Variants in LDLRAD4 observed in about 807,000 individuals in gnomAD.
LDLRAD4 encodes the protein low-density lipoprotein receptor class A domain-containing protein 4.
In LDLRAD4, 5 loss-of-function variants were observed where a neutral mutation model predicts 17.0. The ratio of observed to expected loss-of-function variants is 0.29; its 90% confidence interval spans 0.15 to 0.62. The LOEUF (loss-of-function observed/expected upper bound fraction) is 0.62. LDLRAD4 is among the 20% of genes least tolerant of loss of function. The pLI is 0.84. For missense variants in LDLRAD4, 340 were observed against 424.7 expected, an observed-to-expected ratio of 0.80 and a Z score of 1.75; for synonymous variants, 168 against 171.8, an observed-to-expected ratio of 0.98 and a Z score of 0.17.
intron 1 of LDLRAD4, among the ~76,000 whole-genome samples, chr18:13,345,621 C>CT (rs544321691): frequency 6.6e-6 from 1 of 152,182 alleles, no homozygotes; most frequent in Non-Finnish European, 1.5e-5. Context: ...AGGATTCCCT[C>CT]TTTTTTTATT....
intron 3 of LDLRAD4, among the ~76,000 whole-genome samples, chr18:13,529,850 A>G (rs2094101050): frequency 6.6e-6 from 1 of 152,018 alleles, no homozygotes; most frequent in Non-Finnish European, 1.5e-5. Flanking sequence ...TGCTTTAGAG[A>G]CTTCCATGGC....
At chr18:13,325,470 A>C (rs1352755307) in intron 1 of LDLRAD4, among the ~76,000 whole-genome samples, 3 of 152,088 alleles carry the variant, frequency 2.0e-5, no homozygotes, top group African/African-American at 7.2e-5. Context: ...CTGGCACCAC[A>C]CACACCTCCC....
intron 1 of LDLRAD4, among the ~76,000 whole-genome samples, chr18:13,339,212 CTT>C (rs35423798): frequency 5.0e-4 from 72 of 143,118 alleles, no homozygotes; most frequent in Admixed American, 5.6e-4. Context: ...AGTATCACTA[CTT>C]TTTTTTTTTT....
At chr18:13,299,968 A>C (rs1402503965) in intron 1 of LDLRAD4, among the ~76,000 whole-genome samples, 1 of 152,208 alleles carries the variant, frequency 6.6e-6, no homozygotes, top group East Asian at 1.9e-4. Context: ...TTTTCCCCAC[A>C]CTGAAGGCAG....
chr18:13,600,593 G>A (rs1314196993), intron 3 of LDLRAD4, among the ~76,000 whole-genome samples: 2 of 152,210 alleles, frequency 1.3e-5, no homozygotes. Flanking sequence ...GCCATTTGCT[G>A]TTTTGTCTGT....
chr18:13,402,433 A>G (rs1568104179), intron 2 of LDLRAD4, among the ~76,000 whole-genome samples: 1 of 152,248 alleles, frequency 6.6e-6, no homozygotes, highest in African/African-American at 2.4e-5. Context: ...AACAATTTTT[A>G]TAATCTAGAT....
At chr18:13,405,047 G>A (rs1349632271) in intron 2 of LDLRAD4, among the ~76,000 whole-genome samples, 2 of 151,808 alleles carry the variant, frequency 1.3e-5, no homozygotes, top group Non-Finnish European at 2.9e-5. Context: ...GGAAGGTCAC[G>A]GATCCCCTAA....
chr18:13,613,008 G>A (rs1410999466), intron 3 of LDLRAD4: 2 of 513,096 alleles, frequency 3.9e-6, no homozygotes, highest in South Asian at 2.4e-5. Flanking sequence ...GTTTGTTCCT[G>A]TTGGAGGTGT....
chr18:13,340,967 C>T (rs1015661072), intron 1 of LDLRAD4, among the ~76,000 whole-genome samples: 6 of 152,142 alleles, frequency 3.9e-5, no homozygotes, highest in African/African-American at 1.4e-4. Flanking sequence ...GTTTTCCCAA[C>T]CCATTTGTTG....
At chr18:13,583,359 G>T (rs1384879661) in intron 3 of LDLRAD4, among the ~76,000 whole-genome samples, 3 of 152,128 alleles carry the variant, frequency 2.0e-5, no homozygotes, top group East Asian at 3.8e-4. Context: ...TGACAGACTG[G>T]GGCGGCCTCC....
chr18:13,306,275 G>A (rs2146653072), intron 1 of LDLRAD4, among the ~76,000 whole-genome samples: 1 of 152,356 alleles, frequency 6.6e-6, no homozygotes, highest in Non-Finnish European at 1.5e-5. Flanking sequence ...AAGGAAAAAG[G>A]TGAACACCAG....
rs1418607092 is a variant in LDLRAD4 at position 13,476,623 on chromosome 18, C to A, written c.181+38239C>A. ...TGGGCAACAGAGCAAGAACCTGTCTCAAAAAAAAAAAAAATCCAGTCATAT... is the reference window on the plus strand; with the variant it reads ...TGGGCAACAGAGCAAGAACCTGTCTAAAAAAAAAAAAAAATCCAGTCATAT... On this transcript the variant is annotated intron_variant, in intron 3 of 5. Transcript: ENST00000359446. 2.5e-4 allele frequency among the ~76,000 whole-genome samples: 36 copies of A among 146,306 alleles called. 1 individual carries two copies. The highest frequency in any genetic ancestry group is 3.5e-3 in the Middle Eastern group (1 of 284).
At chr18:13,267,800 GC>G (rs2044304255) in intron 1 of LDLRAD4, among the ~76,000 whole-genome samples, 2 of 152,240 alleles carry the variant, frequency 1.3e-5, no homozygotes, top group South Asian at 4.1e-4. Context: ...CAGCTTGCAT[GC>G]CATGAGAACT....
rs187225321 is a variant in LDLRAD4 at position 13,340,500 on chromosome 18, C to T, written c.-382-46841C>T. On this transcript the variant is annotated intron_variant, in intron 1 of 5. Coordinates refer to ENST00000359446, the Ensembl canonical transcript of LDLRAD4. ...CCCTAGTGATTTGTGATGTTGAGCA[C>T]CTTTTCATGTGCTTATTGGTCATTT... is the stretch of plus-strand genomic sequence containing the variant. 3.2e-4 allele frequency among the ~76,000 whole-genome samples: 48 copies of T among 152,120 alleles called. No individual in the cohort carries two copies. In the East Asian group the frequency reaches 8.7e-3, roughly 28 times the overall value.
chr18:13,386,870 G>T (rs1429563716), intron 1 of LDLRAD4, among the ~76,000 whole-genome samples: 1 of 151,874 alleles, frequency 6.6e-6, no homozygotes, highest in Non-Finnish European at 1.5e-5. Context: ...AGCCTGGGCG[G>T]CTTAGTGAGA....
At chr18:13,442,303 G>A (rs374456912) in intron 3 of LDLRAD4, among the ~76,000 whole-genome samples, 15 of 152,308 alleles carry the variant, frequency 9.8e-5, no homozygotes, top group Middle Eastern at 3.4e-3. Flanking sequence ...GGCCCAGGGA[G>A]TGAGGGCCGA....
At chr18:13,439,061 G>A (rs1373704882) in intron 3 of LDLRAD4, among the ~76,000 whole-genome samples, 1 of 152,192 alleles carries the variant, frequency 6.6e-6, no homozygotes, top group East Asian at 1.9e-4. Context: ...AGGGGGTTGA[G>A]GCTGAGGATC....
intron 1 of LDLRAD4, among the ~76,000 whole-genome samples, chr18:13,355,149 C>T (rs1330598596): frequency 6.6e-6 from 1 of 152,172 alleles, no homozygotes; most frequent in Non-Finnish European, 1.5e-5. Context: ...AGATGAGGCG[C>T]GTGCTCCTGC....
intron 1 of LDLRAD4, among the ~76,000 whole-genome samples, chr18:13,323,090 A>C (rs1418406384): frequency 6.6e-6 from 1 of 152,256 alleles, no homozygotes; most frequent in Non-Finnish European, 1.5e-5. Context: ...CTCAGGGAGA[A>C]GCAGGTGGGA....
Sources: gnomAD v4.1 joint callset for allele counts (sites outside exome capture counted in the v4.1 genomes callset) on GRCh38, gnomAD v4.1.1 for gene constraint, MANE v1.5 for transcripts, NCBI Gene and HGNC (gene_info 2026-07-23, HGNC 2026-07-21) for gene names.